Variants in FAM228A observed in about 807,000 individuals in gnomAD.
FAM228A encodes the protein protein FAM228A.
Under a neutral mutation model 18.6 loss-of-function variants are expected in FAM228A, and 13 were observed. That is an observed-to-expected ratio of 0.70 (90% confidence interval 0.45 to 1.11). The LOEUF is 1.11. Among genes scored for constraint, FAM228A ranks in the 50% least tolerant of loss-of-function variants. FAM228A has a pLI of 0.00. For missense variants in FAM228A, 240 were observed against 242.2 expected (o/e 0.99, Z 0.06); for synonymous variants, 77 against 86.6 (o/e 0.89, Z 0.61).
intron 3 of FAM228A, among the ~76,000 whole-genome samples, chr2:24,183,028 C>T (rs930649868): frequency 3.3e-5 from 5 of 151,862 alleles, no homozygotes; most frequent in African/African-American, 4.8e-5. Context: ...CTTTTAGATT[C>T]GGGGGTACAC....
At chr2:24,176,049 A>G (rs1667682526) in intron 2 of FAM228A, 1 of 985,340 alleles carries the variant, frequency 1.0e-6, no homozygotes, top group South Asian at 4.7e-5. Flanking sequence ...GGATTTCGAA[A>G]AGTGCTGCTG....
rs998572540 is a variant in FAM228A, at chr2:24,190,982, A to T, written c.*351A>T. 3.9e-6 allele frequency: 4 copies of T among 1,033,864 alleles called. No homozygotes were observed. The highest frequency in any genetic ancestry group is 4.6e-6 in the Non-Finnish European group (4 of 861,678). The allele number at this position is 1,033,864 out of a possible 1,614,324, so 64.0% of individuals were successfully genotyped here. A position where few individuals can be genotyped will look rare whatever the true frequency, so the allele number is the denominator to read the frequency against. On this transcript the variant is annotated 3_prime_UTR_variant, in exon 6 of 6. Transcript: ENST00000295150. ...TTACTCCATCCAAACTGCACCAAAG[A>T]TGGTGTTCTCCTTAGTCCACACACA...
At chr2:24,187,430 T>G (rs1667976172) in intron 5 of FAM228A, among the ~76,000 whole-genome samples, 1 of 152,208 alleles carries the variant, frequency 6.6e-6, no homozygotes, top group South Asian at 2.1e-4. Flanking sequence ...TACATTGACA[T>G]TATCACCCAA....
intron 2 of FAM228A, 58 bp from the exon 3 acceptor site, chr2:24,177,744 G>A: frequency 1.0e-6 from 1 of 965,706 alleles, no homozygotes; most frequent in Non-Finnish European, 1.6e-6. Context: ...ACTGAGTTTT[G>A]TCATTGTAGT....
At chr2:24,187,675 T>C (rs1667982272) in intron 5 of FAM228A, among the ~76,000 whole-genome samples, 1 of 152,242 alleles carries the variant, frequency 6.6e-6, no homozygotes, top group Admixed American at 6.5e-5. Flanking sequence ...ATGGTTGGAA[T>C]CATACAACAT....
rs116695914 is a variant in FAM228A at position 24,187,055 on chromosome 2, T to C, written c.402-3357T>C. Among the ~76,000 whole-genome samples the C allele has an allele frequency of 5.1e-3, 772 of 152,294 alleles. 7 individuals carry two copies. Among genetic ancestry groups the C allele is most frequent in the African/African-American group, 0.017 (701 of 41,558 alleles). ...ACCTATCACCCAGGTTCAGCAGCCA[T>C]CAACATTTTGCCTTTCTCTCTCTCT... On this transcript the variant is annotated intron_variant, in intron 5 of 5. Transcript: ENST00000295150.
intron 2 of FAM228A, chr2:24,175,947 T>C: frequency 9.7e-7 from 1 of 1,027,408 alleles, no homozygotes; most frequent in South Asian, 3.8e-5. Flanking sequence ...TGAAAAACTC[T>C]TGGAAATTTC....
intron 5 of FAM228A, among the ~76,000 whole-genome samples, chr2:24,187,211 A>G (rs1288461460): frequency 1.3e-5 from 2 of 152,246 alleles, no homozygotes; most frequent in East Asian, 3.8e-4. Flanking sequence ...TACAGTTTTC[A>G]TAAATGTGCA....
rs754078361 is a variant in FAM228A, at chr2:24,183,306, G to A, written c.184G>A (p.Asp62Asn). 1 of 1,613,702 alleles carries A rather than the reference G, an allele frequency of 6.2e-7. No homozygotes were observed. Among genetic ancestry groups the A allele is most frequent in the Admixed American group, 1.7e-5 (1 of 60,004 alleles). Residue 62 changes from aspartate to asparagine, a missense_variant, in exon 4 of 6, where the codon GAT becomes AAT. Asp to Asn is a conservative substitution (Grantham distance 23). Coordinates refer to ENST00000295150, the MANE Select transcript of FAM228A (RefSeq NM_001040710.3). Reference protein sequence around the residue: ...IVKVTVPPFVDPLFQRQQEVD... With the variant: ...IVKVTVPPFVNPLFQRQQEVD... ...GTAGGTTACAGTCCCACCATTTGTTGATCCTCTGTTTCAAAGACAGCAAGA... is the reference window on the plus strand; with the variant it reads ...GTAGGTTACAGTCCCACCATTTGTTAATCCTCTGTTTCAAAGACAGCAAGA...
chr2:24,183,883 C>A (rs575727403), intron 5 of FAM228A, among the ~76,000 whole-genome samples: 4 of 152,156 alleles, frequency 2.6e-5, no homozygotes, highest in Admixed American at 1.3e-4. Flanking sequence ...GAGCCTGCCC[C>A]CTCCCGAGAC....
At chr2:24,186,438 T>C (rs1350116608) in intron 5 of FAM228A, among the ~76,000 whole-genome samples, 12 of 152,214 alleles carry the variant, frequency 7.9e-5, no homozygotes, top group Admixed American at 7.9e-4. Context: ...CTTCATTGTA[T>C]TCTTCTTAAA....
At chr2:24,185,115 G>A (rs1306197743) in intron 5 of FAM228A, among the ~76,000 whole-genome samples, 2 of 152,124 alleles carry the variant, frequency 1.3e-5, no homozygotes. Context: ...GAGCCACCGT[G>A]CCTGGCCTGC....
At position 24,191,549 on chromosome 2, in the gene FAM228A, T is replaced by C. The variant is rs1386346885; in HGVS notation, c.*918T>C. Reference sequence around the variant, plus strand: ...ATATTCAAGATGTACAACGTGATGATTTGCTATAGGTATTCATTGTGAAAT... The same window carrying C: ...ATATTCAAGATGTACAACGTGATGACTTGCTATAGGTATTCATTGTGAAAT... On this transcript the variant is annotated 3_prime_UTR_variant, in exon 6 of 6. Transcript: ENST00000295150. 1.1e-6 allele frequency: 1 copy of C among 943,140 alleles called. No individual in the cohort carries two copies. 58.4% of individuals were successfully genotyped at this position (943,140 alleles called of 1,614,324 possible). A position where few individuals can be genotyped will look rare whatever the true frequency, so the allele number is the denominator to read the frequency against.
rs948250537 is a variant in FAM228A, at chr2:24,190,858, G to A, written c.*227G>A. ...TCCGGAGACATCCTGTCCTTCCGAG[G>A]TGAGGGCCAACCTGGCCACAGGGGC... On this transcript the variant is annotated 3_prime_UTR_variant, in exon 6 of 6. Coordinates refer to ENST00000295150, the MANE Select transcript of FAM228A (RefSeq NM_001040710.3). 2.4e-6 allele frequency: 3 copies of A among 1,234,794 alleles called. No homozygotes were observed. Among genetic ancestry groups the A allele is most frequent in the South Asian group, 3.3e-5 (1 of 30,036 alleles). 76.5% of individuals were successfully genotyped at this position (1,234,794 alleles called of 1,614,324 possible). A position where few individuals can be genotyped will look rare whatever the true frequency, so the allele number is the denominator to read the frequency against.
intron 5 of FAM228A, among the ~76,000 whole-genome samples, chr2:24,189,319 A>G (rs142825116): frequency 1.3e-5 from 2 of 152,358 alleles, no homozygotes; most frequent in Non-Finnish European, 2.9e-5. Flanking sequence ...CAGAAGTCCC[A>G]TCAACTTAAA....
chr2:24,179,303 GA>G lies in FAM228A; in HGVS notation c.162+1434del, dbSNP rs572818833. 183 of 559,958 alleles carry G rather than the reference GA, an allele frequency of 3.3e-4. No homozygotes were observed. In the African/African-American group the frequency reaches 3.6e-3, roughly 11 times the overall value. 34.7% of individuals were successfully genotyped at this position (559,958 alleles called of 1,614,324 possible). A position where few individuals can be genotyped will look rare whatever the true frequency, so the allele number is the denominator to read the frequency against. ...TACAGCACAGACATAAAATGGTACTGATGTTTTATTTTTCAAATAGAGTATA... is the reference window on the plus strand; with the variant it reads ...TACAGCACAGACATAAAATGGTACTGTGTTTTATTTTTCAAATAGAGTATA... On this transcript the variant is annotated intron_variant, in intron 3 of 5. Transcript: ENST00000295150.
intron 3 of FAM228A, among the ~76,000 whole-genome samples, chr2:24,182,191 T>C (rs376405765): frequency 9.2e-4 from 140 of 152,242 alleles, no homozygotes; most frequent in African/African-American, 3.3e-3. Context: ...AATGGAGAAA[T>C]GTAGGTTTCA....
In FAM228A at chr2:24,175,531, G is replaced by T. The variant is rs1182544686; in HGVS notation, c.51G>T (p.Lys17Asn). The T allele has an allele frequency of 6.2e-7, 1 of 1,614,100 alleles. No homozygotes were observed. Among genetic ancestry groups the T allele is most frequent in the Non-Finnish European group, 8.5e-7 (1 of 1,180,022 alleles). Reference sequence around the variant, plus strand: ...ATGATGAACATTTCAGGCCAGAAAAGTTAAGAGAATGGCCGGAGCCCGAGT... The same window carrying T: ...ATGATGAACATTTCAGGCCAGAAAATTTAAGAGAATGGCCGGAGCCCGAGT... ...ASYDEHFRPE[K>N]LREWPEPESV... is the part of the protein sequence containing the mutation. The change falls in exon 2 of 6, where the codon AAG becomes AAT. Residue 17 changes from lysine (K) to asparagine (N), a missense_variant. Lys to Asn is a moderately conservative substitution (Grantham distance 94). Transcript: ENST00000295150.
intron 1 of FAM228A, 134 bp from the exon 2 acceptor site, chr2:24,175,333 T>C (rs1667653516): frequency 1.5e-6 from 1 of 687,158 alleles, no homozygotes; most frequent in Non-Finnish European, 2.5e-6. Context: ...GCGCCAAGGA[T>C]CCCAGTTTGT....
Sources: gnomAD v4.1 joint callset for allele counts (sites outside exome capture counted in the v4.1 genomes callset) on GRCh38, gnomAD v4.1.1 for gene constraint, MANE v1.5 for transcripts, NCBI Gene and HGNC (gene_info 2026-07-23, HGNC 2026-07-21) for gene names.